ABI3BP: variants seen among roughly 807,000 people sequenced by gnomAD.
ABI3BP encodes the protein ABI family member 3 binding protein.
In ABI3BP, 216 loss-of-function variants were observed where a neutral mutation model predicts 268.6. That is an observed-to-expected ratio of 0.80 (90% CI 0.72 to 0.90). The LOEUF is 0.90. Ranked by LOEUF, ABI3BP falls within the 40% of genes least tolerant of loss-of-function variation. ABI3BP has a pLI of 0.00. For synonymous variants in ABI3BP, 730 were observed against 730.0 expected (o/e 1.00, Z 0.00); for missense variants, 2,090 against 2,182.4 (o/e 0.96, Z 0.84).
intron 61 of ABI3BP, among the ~76,000 whole-genome samples, chr3:100,773,519 A>G (rs2096612909): frequency 6.6e-6 from 1 of 152,232 alleles, no homozygotes; most frequent in African/African-American, 2.4e-5. Flanking sequence ...AAGGTAAAAC[A>G]GTACAACTAC....
intron 2 of ABI3BP, among the ~76,000 whole-genome samples, chr3:100,912,408 C>T (rs547476831): frequency 7.3e-5 from 11 of 149,770 alleles, no homozygotes; most frequent in Non-Finnish European, 1.5e-4. Context: ...TAATTAGCAA[C>T]TTGTTTCTTA....
intron 42 of ABI3BP, 70 bp from the exon 43 acceptor site, chr3:100,816,838 T>C (rs2098067209): frequency 1.9e-6 from 2 of 1,069,226 alleles, no homozygotes; most frequent in Non-Finnish European, 2.7e-6. Flanking sequence ...TTTTTAAAGG[T>C]ATGTCATATT....
At chr3:100,850,294 A>G (rs1273728451) in intron 16 of ABI3BP, among the ~76,000 whole-genome samples, 175 bp from the exon 17 acceptor site, 5 of 152,214 alleles carry the variant, frequency 3.3e-5, no homozygotes, top group African/African-American at 1.2e-4. Flanking sequence ...AAGTAGGGAA[A>G]AGGCTAGAAT....
chr3:100,937,507 A>G (rs934887388), intron 1 of ABI3BP, among the ~76,000 whole-genome samples: 3 of 151,980 alleles, frequency 2.0e-5, no homozygotes, highest in African/African-American at 7.2e-5. Flanking sequence ...TACATACACA[A>G]CATAGTTGAA....
At chr3:100,907,972 C>T (rs527307005) in intron 2 of ABI3BP, among the ~76,000 whole-genome samples, 5 of 151,738 alleles carry the variant, frequency 3.3e-5, no homozygotes, top group East Asian at 3.9e-4. Context: ...AAAAATTAGC[C>T]GGGCGTGGTG....
intron 7 of ABI3BP, among the ~76,000 whole-genome samples, chr3:100,875,903 C>T (rs1038126207): frequency 6.6e-6 from 1 of 152,068 alleles, no homozygotes. Flanking sequence ...GAGGTGATGA[C>T]CCAGCAATAA....
At chr3:100,896,253 A>G (rs2047620278) in intron 4 of ABI3BP, among the ~76,000 whole-genome samples, 2 of 152,198 alleles carry the variant, frequency 1.3e-5, no homozygotes, top group Admixed American at 6.5e-5. Flanking sequence ...AGATCCATGC[A>G]TGGTCTGAAT....
At chr3:100,988,049 T>C (rs2092263092) in intron 1 of ABI3BP, among the ~76,000 whole-genome samples, 1 of 152,226 alleles carries the variant, frequency 6.6e-6, no homozygotes, top group Non-Finnish European at 1.5e-5. Context: ...AATACATAAA[T>C]ATATGTTACT....
intron 1 of ABI3BP, among the ~76,000 whole-genome samples, chr3:100,953,619 A>T (rs2075855823): frequency 6.6e-6 from 1 of 151,538 alleles, no homozygotes; most frequent in Non-Finnish European, 1.5e-5. Context: ...AAGAAATACT[A>T]TTTTTTTTGA....
chr3:100,774,804 T>C lies in ABI3BP; in HGVS notation c.4463-131A>G, dbSNP rs1028877322. ...GCTTGCAGTTTTGATTTTTTAAAAT[T>C]ATACATATTCATCCACAATATAAGG... On this transcript the variant is annotated intron_variant, in intron 60 of 67. Coordinates refer to ENST00000471714, the MANE Select transcript of ABI3BP (RefSeq NM_001375547.2). 12 of 729,148 alleles carry C rather than the reference T, an allele frequency of 1.6e-5. No individual in the cohort carries two copies. In the African/African-American group the frequency reaches 2.1e-4, roughly 13 times the overall value. 45.2% of individuals were successfully genotyped at this position (729,148 alleles called of 1,614,324 possible). A position where few individuals can be genotyped will look rare whatever the true frequency, so the allele number is the denominator to read the frequency against.
At chr3:100,888,899 A>T (rs1188489085) in intron 4 of ABI3BP, among the ~76,000 whole-genome samples, 1 of 151,216 alleles carries the variant, frequency 6.6e-6, no homozygotes, top group Non-Finnish European at 1.5e-5. Context: ...TTTTAAAACA[A>T]AATATAGGTC....
At chr3:100,914,415 T>C (rs1003691879) in intron 2 of ABI3BP, 2 of 455,380 alleles carry the variant, frequency 4.4e-6, no homozygotes, top group Non-Finnish European at 8.8e-6. Flanking sequence ...ATACTAAAGG[T>C]TAAACTACTC....
chr3:100,803,040 C>G (rs1229151277), intron 51 of ABI3BP, among the ~76,000 whole-genome samples: 1 of 145,836 alleles, frequency 6.9e-6, no homozygotes, highest in African/African-American at 2.4e-5. Context: ...CCTGGGGGTG[C>G]CACACCCCTG....
At chr3:100,919,146 T>G (rs1475926981) in intron 2 of ABI3BP, among the ~76,000 whole-genome samples, 1 of 152,162 alleles carries the variant, frequency 6.6e-6, no homozygotes, top group African/African-American at 2.4e-5. Context: ...TTCCTTCTAT[T>G]GGTTTATCCT....
chr3:100,838,464 G>A lies in ABI3BP; in HGVS notation c.1946C>T (p.Ala649Val). ...IQPEPLVPTT[A>V]SKPSERPKTT... ...TTTAGGTCTCTCAGATGGTTTTGAG[G>A]CTAAAGAAAAAGGTATTAAAATTAC... is the stretch of plus-strand genomic sequence containing the variant. The change falls in exon 25 of 68, where the codon GCC (alanine) becomes GTC (valine). Residue 649 changes from alanine (A) to valine (V), a missense_variant and splice_region_variant. Coordinates refer to ENST00000471714, the MANE Select transcript of ABI3BP (RefSeq NM_001375547.2). The A allele has an allele frequency of 6.5e-7, 1 of 1,535,256 alleles. No individual in the cohort carries two copies. The highest frequency in any genetic ancestry group is 8.7e-7 in the Non-Finnish European group (1 of 1,146,302).
At chr3:100,776,715 G>T (rs1205364561) in intron 59 of ABI3BP, among the ~76,000 whole-genome samples, 5 of 152,230 alleles carry the variant, frequency 3.3e-5, no homozygotes, top group African/African-American at 1.2e-4. Context: ...GAGGGTGAGG[G>T]TGGAGAGCAG....
chr3:100,959,914 A>T (rs757421767), intron 1 of ABI3BP, among the ~76,000 whole-genome samples: 1 of 152,226 alleles, frequency 6.6e-6, no homozygotes, highest in South Asian at 2.1e-4. Context: ...CTCAGTGTCT[A>T]CTGTCCTACA....
chr3:100,975,698 A>G (rs1350765548), intron 1 of ABI3BP, among the ~76,000 whole-genome samples: 3 of 152,126 alleles, frequency 2.0e-5, no homozygotes, highest in South Asian at 2.1e-4. Flanking sequence ...CCTGGCAACT[A>G]TGGGATGCTC....
At position 100,768,665 on chromosome 3, in the gene ABI3BP, T is replaced by C. The variant is rs900699672; in HGVS notation, c.4741+2078A>G. On this transcript the variant is annotated intron_variant, in intron 62 of 67. Coordinates refer to ENST00000471714, the MANE Select transcript of ABI3BP (RefSeq NM_001375547.2). ...TTATGCGGCATATTCAAATATCTTA[T>C]TTTTCTCCTCAGGATAAATTGATAA... is the stretch of plus-strand genomic sequence containing the variant. Among the ~76,000 whole-genome samples, 8 of 152,336 alleles carry C rather than the reference T, an allele frequency of 5.3e-5. No homozygotes were observed. In the East Asian group the frequency reaches 1.5e-3, roughly 29 times the overall value.
Sources: gnomAD v4.1 joint callset for allele counts (sites outside exome capture counted in the v4.1 genomes callset) on GRCh38, gnomAD v4.1.1 for gene constraint, MANE v1.5 for transcripts, NCBI Gene and HGNC (gene_info 2026-07-23, HGNC 2026-07-21) for gene names.